JPH3: variants seen among roughly 807,000 people sequenced by gnomAD.
JPH3 encodes junctophilin-3.
A neutral mutation model predicts 59.6 loss-of-function variants in JPH3; 11 were observed. The observed-to-expected ratio is 0.18, with a 90% CI of 0.12 to 0.31. JPH3 has a LOEUF of 0.31. JPH3 is among the 10% of genes least tolerant of loss of function. The pLI, the probability that JPH3 is intolerant of heterozygous loss-of-function variation, is 1.00. For synonymous variants in JPH3, 673 were observed against 483.6 expected (o/e 1.39, Z -5.14); for missense variants, 1,202 against 1,105.7 (o/e 1.09, Z -1.24).
intron 2 of JPH3, among the ~76,000 whole-genome samples, chr16:87,657,284 G>T (rs189134356): frequency 1.3e-5 from 2 of 152,354 alleles, no homozygotes; most frequent in Admixed American, 1.3e-4. Flanking sequence ...GCCAGAGAAA[G>T]TGATGCTGAG....
rs890358910 is a variant in JPH3 at position 87,682,836 on chromosome 16, G to GC, written c.1161-1299dup. Among the ~76,000 whole-genome samples, 112 of 152,246 alleles carry GC rather than the reference G, an allele frequency of 7.4e-4. 1 individual carries two copies. Among genetic ancestry groups the GC allele is most frequent in the African/African-American group, 2.6e-3 (107 of 41,534 alleles). On this transcript the variant is annotated intron_variant, in intron 2 of 4. Coordinates refer to ENST00000284262, the MANE Select transcript of JPH3 (RefSeq NM_020655.4). ...AAGTGGTGCCCATGGCCACTGGCAG[G>GC]CCCCCCCGGGGGCCAGCACACCAGG...
chr16:87,674,924 C>A (rs971689383), intron 2 of JPH3, among the ~76,000 whole-genome samples: 2 of 152,002 alleles, frequency 1.3e-5, no homozygotes, highest in Non-Finnish European at 2.9e-5. Context: ...CCATGCCCGG[C>A]TAATTTTTGT....
At chr16:87,678,319 G>A (rs1057492215) in intron 2 of JPH3, among the ~76,000 whole-genome samples, 1 of 152,134 alleles carries the variant, frequency 6.6e-6, no homozygotes, top group African/African-American at 2.4e-5. Flanking sequence ...TGAGGCGGTT[G>A]GATCACCTGA....
Position 87,628,824 on chromosome 16 carries a change from C to T in JPH3, c.383-15434C>T, listed in dbSNP as rs577069650. On this transcript the variant is annotated intron_variant, in intron 1 of 4. Transcript: ENST00000284262. The stretch of plus-strand genomic sequence containing the variant: ...GGGTAAGAGAAAGCAGAGTCGGTCC[C>T]CAGCAGGTGTGGCTGGGAGGATGCT... Among the ~76,000 whole-genome samples the T allele has an allele frequency of 1.6e-3, 241 of 152,092 alleles. 1 individual carries two copies. Among genetic ancestry groups the T allele is most frequent in the Admixed American group, 3.9e-3 (60 of 15,274 alleles).
chr16:87,610,178 G>A (rs2030679093), intron 1 of JPH3, among the ~76,000 whole-genome samples: 1 of 152,202 alleles, frequency 6.6e-6, no homozygotes, highest in Non-Finnish European at 1.5e-5. Context: ...TGCAAGCGTT[G>A]GAGAGCGGCT....
At chr16:87,610,070 A>G (rs1368936161) in intron 1 of JPH3, among the ~76,000 whole-genome samples, 3 of 152,208 alleles carry the variant, frequency 2.0e-5, no homozygotes, top group Non-Finnish European at 4.4e-5. Flanking sequence ...GAGTGTGCAA[A>G]CTAGGTCCCT....
At chr16:87,621,064 CAGG>C (rs1453340794) in intron 1 of JPH3, among the ~76,000 whole-genome samples, 6 of 152,208 alleles carry the variant, frequency 3.9e-5, no homozygotes, top group African/African-American at 1.4e-4. Context: ...GAGGCTGAGA[CAGG>C]AGAATTGCTT....
intron 1 of JPH3, among the ~76,000 whole-genome samples, chr16:87,610,856 C>T (rs1435501493): frequency 3.3e-5 from 5 of 152,218 alleles, no homozygotes; most frequent in Non-Finnish European, 5.9e-5. Context: ...GAGTAGCATT[C>T]ATTGCAAAGT....
At chr16:87,616,362 T>C (rs1406421179) in intron 1 of JPH3, among the ~76,000 whole-genome samples, 1 of 150,934 alleles carries the variant, frequency 6.6e-6, no homozygotes, top group Non-Finnish European at 1.5e-5. Context: ...GCCTCCCGAG[T>C]AGCTGGGACT....
chr16:87,687,948 A>G (rs1028822474), intron 3 of JPH3, among the ~76,000 whole-genome samples: 1 of 152,150 alleles, frequency 6.6e-6, no homozygotes, highest in East Asian at 1.9e-4. Context: ...AGGAGGAGGT[A>G]CGATGTGGGT....
chr16:87,670,893 C>A (rs2032997526), intron 2 of JPH3, among the ~76,000 whole-genome samples: 1 of 152,136 alleles, frequency 6.6e-6, no homozygotes, highest in African/African-American at 2.4e-5. Context: ...GAATGGGCTT[C>A]TCGAGAGAAG....
intron 3 of JPH3, among the ~76,000 whole-genome samples, chr16:87,689,152 C>G (rs1053305038): frequency 1.3e-5 from 2 of 152,148 alleles, no homozygotes; most frequent in Non-Finnish European, 2.9e-5. Context: ...ACGCTGGCCC[C>G]GGCACTGGCT....
rs1383350703 is a variant in JPH3, at chr16:87,696,963, G to C, written c.*303G>C. The C allele has an allele frequency of 5.1e-6, 2 of 395,706 alleles. No homozygotes were observed. Among genetic ancestry groups the C allele is most frequent in the Admixed American group, 3.6e-5 (1 of 27,416 alleles). 24.5% of individuals were successfully genotyped at this position (395,706 alleles called of 1,614,324 possible). ...ACAGAAGGGATCCCGGCACATCAGTGGTAACAGCGGACGTTGTCCTCGTGG... is the reference window on the plus strand; with the variant it reads ...ACAGAAGGGATCCCGGCACATCAGTCGTAACAGCGGACGTTGTCCTCGTGG... On this transcript the variant is annotated 3_prime_UTR_variant, in exon 5 of 5. Transcript: ENST00000284262.
intron 1 of JPH3, among the ~76,000 whole-genome samples, chr16:87,612,226 C>T (rs2030755207): frequency 6.6e-6 from 1 of 152,178 alleles, no homozygotes; most frequent in Non-Finnish European, 1.5e-5. Flanking sequence ...TGGCCTCAAG[C>T]CATCTTCCCA....
At chr16:87,695,484 A>G (rs756557796) in intron 4 of JPH3, 3 of 454,900 alleles carry the variant, frequency 6.6e-6, no homozygotes, top group Non-Finnish European at 8.8e-6. Flanking sequence ...TCCTTACCAC[A>G]GTGGGGTCTA....
chr16:87,602,534 A>ACGCCGCCGCCGCCAC lies in JPH3; in HGVS notation c.-599_-585dup, dbSNP rs1317890194. Reference sequence around the variant, plus strand: ...AGCGCGCGAGCCGGGCCCGGAGCGCACGCCGCCGCCGCCACCGCCGCCGCC... The same window carrying ACGCCGCCGCCGCCAC: ...AGCGCGCGAGCCGGGCCCGGAGCGCACGCCGCCGCCGCCACCGCCGCCGCCGCCACCGCCGCCGCC... On this transcript the variant is annotated 5_prime_UTR_variant, in exon 1 of 5. Coordinates refer to ENST00000284262, the MANE Select transcript of JPH3 (RefSeq NM_020655.4). 3.8e-5 allele frequency among the ~76,000 whole-genome samples: 5 copies of ACGCCGCCGCCGCCAC among 132,194 alleles called. No homozygotes were observed. Among genetic ancestry groups the ACGCCGCCGCCGCCAC allele is most frequent in the East Asian group, 2.6e-4 (1 of 3,862 alleles). The allele number at this position is 132,194 out of a possible 152,430, so 86.7% of individuals were successfully genotyped here.
At chr16:87,646,216 C>T (rs2032145718) in intron 2 of JPH3, among the ~76,000 whole-genome samples, 1 of 152,254 alleles carries the variant, frequency 6.6e-6, no homozygotes, top group Non-Finnish European at 1.5e-5. Context: ...AATTAAAGTT[C>T]AGCCCATTTG....
At chr16:87,682,958 C>T (rs1349662657) in intron 2 of JPH3, among the ~76,000 whole-genome samples, 1 of 152,264 alleles carries the variant, frequency 6.6e-6, no homozygotes, top group Non-Finnish European at 1.5e-5. Context: ...AAAGGGTGGG[C>T]AGGTCCCCTG....
chr16:87,633,408 A>C (rs924141707), intron 1 of JPH3, among the ~76,000 whole-genome samples: 1 of 151,830 alleles, frequency 6.6e-6, no homozygotes, highest in Non-Finnish European at 1.5e-5. Context: ...CAGCATATGC[A>C]TTTTGGAGAA....
Sources: gnomAD v4.1 joint callset for allele counts (sites outside exome capture counted in the v4.1 genomes callset) on GRCh38, gnomAD v4.1.1 for gene constraint, MANE v1.5 for transcripts, NCBI Gene and HGNC (gene_info 2026-07-23, HGNC 2026-07-21) for gene names.